The following CHIA variants were observed in gnomAD, a reference collection of about 807,000 sequenced individuals.
CHIA encodes chitinase acidic.
In CHIA, 47 loss-of-function variants were observed where a neutral mutation model predicts 53.5. The observed-to-expected ratio is 0.88, with a 90% confidence interval of 0.70 to 1.12. The LOEUF is 1.12. CHIA is among the 50% of genes most tolerant of loss of function. CHIA has a pLI of 0.00. For missense variants in CHIA, 652 were observed against 592.2 expected (o/e 1.10, Z -1.05); for synonymous variants, 268 against 222.2 (o/e 1.21, Z -1.83).
At chr1:111,314,351 C>A (rs1162988017) in intron 4 of CHIA, among the ~76,000 whole-genome samples, 189 bp from the exon 5 acceptor site, 1 of 152,150 alleles carries the variant, frequency 6.6e-6, no homozygotes, top group East Asian at 1.9e-4. Flanking sequence ...CCCTAGGGAA[C>A]CCTGAGTGCA....
chr1:111,312,376 A>G lies in CHIA; in HGVS notation c.242A>G (p.Asn81Ser). The G allele has an allele frequency of 6.2e-7, 1 of 1,613,906 alleles. No homozygotes were observed. Among genetic ancestry groups the G allele is most frequent in the Non-Finnish European group, 8.5e-7 (1 of 1,179,762 alleles). ...GATGTGACTCTCTACCAAGCTTTCA[A>G]TGGCCTGAAAAATAAGTAGGATGAG... Reference protein sequence around the residue: ...WNDVTLYQAFNGLKNKNSQLK... With the variant: ...WNDVTLYQAFSGLKNKNSQLK... The change falls in exon 4 of 12, where the codon AAT (asparagine) becomes AGT (serine). Residue 81 changes from asparagine to serine, a missense_variant. Transcript: ENST00000369740.
Position 111,319,230 on chromosome 1 carries a change from C to T in CHIA, c.1026C>T (p.Phe342=), listed in dbSNP as rs200092579. 66 of 1,614,152 alleles carry T rather than the reference C, an allele frequency of 4.1e-5. No homozygotes were observed. In the South Asian group the frequency reaches 5.4e-4, roughly 13 times the overall value. The stretch of plus-strand genomic sequence containing the variant: ...TTGGCTATGACAACATCAAGAGCTT[C>T]GATATTAAGGTAAGATCAGTCCCTT... ...VWVGYDNIKS[F]DIKAQWLKHN... is the part of the protein sequence containing the mutation. Residue 342 remains phenylalanine, a synonymous_variant, in exon 10 of 12, where the codon TTC becomes TTT. Transcript: ENST00000369740.
At chr1:111,299,168 A>G (rs994476832) in intron 1 of CHIA, among the ~76,000 whole-genome samples, 1 of 152,214 alleles carries the variant, frequency 6.6e-6, no homozygotes, top group Admixed American at 6.5e-5. Flanking sequence ...TACAAAGAGT[A>G]GCTGGTACCA....
chr1:111,320,199 G>T lies in CHIA; in HGVS notation c.1178-14G>T, dbSNP rs915196627. 29 of 1,610,896 alleles carry T rather than the reference G, an allele frequency of 1.8e-5. No homozygotes were observed. The highest frequency in any genetic ancestry group is 2.4e-5 in the Non-Finnish European group (28 of 1,178,268). ...CCAAGCCCACTAGTCTGCTCTTACT[G>T]CTGTATGTTTCAGGTTGCACGGCTC... is the stretch of plus-strand genomic sequence containing the variant. On this transcript the variant is annotated splice_polypyrimidine_tract_variant and intron_variant, in intron 11 of 11. Coordinates refer to ENST00000369740, the MANE Select transcript of CHIA (RefSeq NM_201653.4).
In CHIA at chr1:111,318,522, T is replaced by C. The variant is rs746282994; in HGVS notation, c.759T>C (p.Asn253=). ...VDYVMNYWKD[N]GAPAEKLIVG... is the part of the protein sequence containing the mutation. ...ATGTCATGAACTACTGGAAGGACAA[T>C]GGAGCACCAGCTGAGAAGCTCATCG... is the stretch of plus-strand genomic sequence containing the variant. Residue 253 remains asparagine, a synonymous_variant, in exon 9 of 12, where the codon AAT becomes AAC. Coordinates refer to ENST00000369740, the MANE Select transcript of CHIA (RefSeq NM_201653.4). 6.2e-7 allele frequency: 1 copy of C among 1,614,108 alleles called. No individual in the cohort carries two copies. The highest frequency in any genetic ancestry group is 8.5e-7 in the Non-Finnish European group (1 of 1,179,972).
chr1:111,290,943 A>G lies in CHIA; in HGVS notation c.-76A>G, dbSNP rs1170882215. The G allele has an allele frequency of 4.3e-6, 2 of 464,890 alleles. No homozygotes were observed. The highest frequency in any genetic ancestry group is 7.1e-5 in the East Asian group (1 of 14,154). The allele number at this position is 464,890 out of a possible 1,614,324, so 28.8% of individuals were successfully genotyped here. A position where few individuals can be genotyped will look rare whatever the true frequency, so the allele number is the denominator to read the frequency against. On this transcript the variant is annotated 5_prime_UTR_variant, in exon 1 of 12. Coordinates refer to ENST00000369740, the MANE Select transcript of CHIA (RefSeq NM_201653.4). The stretch of plus-strand genomic sequence containing the variant: ...TTTCCAGTCTGGTGGTGAATCCTCC[A>G]TAGTCTGGTGAGTGTAAATATATAT...
chr1:111,297,873 G>A (rs1045622051), intron 1 of CHIA, among the ~76,000 whole-genome samples: 1 of 106,590 alleles, frequency 9.4e-6, no homozygotes, highest in African/African-American at 3.9e-5. Context: ...TAAAGAGATG[G>A]AGGAAGATCT....
intron 1 of CHIA, among the ~76,000 whole-genome samples, chr1:111,291,901 T>C (rs1437544380): frequency 5.3e-5 from 8 of 150,808 alleles, no homozygotes; most frequent in African/African-American, 2.0e-4. Context: ...ACCTAGGTGA[T>C]GGGTTGATAG....
chr1:111,306,645 AAG>A (rs1648207361), intron 1 of CHIA, among the ~76,000 whole-genome samples: 1 of 152,190 alleles, frequency 6.6e-6, no homozygotes, highest in African/African-American at 2.4e-5. Context: ...AGGCACCATA[AAG>A]AGAGTGAAAA....
In CHIA at chr1:111,315,519, CA is replaced by C. The variant is rs1454213147; in HGVS notation, c.480+88del. 2.0e-5 allele frequency: 28 copies of C among 1,396,628 alleles called. No individual in the cohort carries two copies. In the Admixed American group the frequency reaches 7.1e-4, roughly 35 times the overall value. The allele number at this position is 1,396,628 out of a possible 1,614,324, so 86.5% of individuals were successfully genotyped here. On this transcript the variant is annotated intron_variant, in intron 6 of 11. Transcript: ENST00000369740. ...AGAATTGGGTGGCTCTAGGGTAAAA[CA>C]AAACTTGAATTTAAACTGATAGAAT...
intron 1 of CHIA, among the ~76,000 whole-genome samples, chr1:111,299,675 G>T (rs1327241447): frequency 6.6e-6 from 1 of 152,136 alleles, no homozygotes; most frequent in East Asian, 1.9e-4. Context: ...TTGAAAACTG[G>T]CATAAGACAG....
intron 1 of CHIA, among the ~76,000 whole-genome samples, chr1:111,292,931 C>A (rs535291708): frequency 6.6e-6 from 1 of 152,270 alleles, no homozygotes; most frequent in East Asian, 1.9e-4. Flanking sequence ...CTTTTAAAGG[C>A]TGAATAATAC....
chr1:111,298,445 C>G (rs529475125), intron 1 of CHIA, among the ~76,000 whole-genome samples: 1 of 152,218 alleles, frequency 6.6e-6, no homozygotes, highest in Non-Finnish European at 1.5e-5. Flanking sequence ...GAAACTCACT[C>G]AAAACCGCAC....
In CHIA at chr1:111,317,973, C is replaced by T. The variant is rs576234686; in HGVS notation, c.606-13C>T. ...ACCATCAGAATGATTTTAAATCCTC[C>T]ACCCCACCTCAGGTACCTGGACTAC... On this transcript the variant is annotated splice_polypyrimidine_tract_variant and intron_variant, in intron 7 of 11. Transcript: ENST00000369740. 2.1e-5 allele frequency: 34 copies of T among 1,614,004 alleles called. No homozygotes were observed. Among genetic ancestry groups the T allele is most frequent in the East Asian group, 1.8e-4 (8 of 44,882 alleles).
At chr1:111,317,213 T>C (rs982818570) in intron 6 of CHIA, 2 of 168,722 alleles carry the variant, frequency 1.2e-5, no homozygotes, top group African/African-American at 2.4e-5. Context: ...GATTAATCTC[T>C]AGTATTGAAT....
At chr1:111,299,229 CT>C (rs1347645798) in intron 1 of CHIA, among the ~76,000 whole-genome samples, 3 of 152,210 alleles carry the variant, frequency 2.0e-5, no homozygotes, top group Admixed American at 6.5e-5. Context: ...TCCTCCCTAA[CT>C]CATTTTATGG....
chr1:111,297,306 T>C (rs576576402), intron 1 of CHIA, among the ~76,000 whole-genome samples: 21 of 152,030 alleles, frequency 1.4e-4, no homozygotes, highest in Middle Eastern at 3.4e-3. Flanking sequence ...AAGGAAAAAA[T>C]GTTAAGGGCA....
chr1:111,294,481 A>G (rs1036179752), intron 1 of CHIA, among the ~76,000 whole-genome samples: 2 of 152,134 alleles, frequency 1.3e-5, no homozygotes, highest in African/African-American at 4.8e-5. Context: ...GGTTTTTCCT[A>G]TATAAGACCA....
chr1:111,304,040 A>C (rs1647981026), intron 1 of CHIA, among the ~76,000 whole-genome samples: 1 of 152,118 alleles, frequency 6.6e-6, no homozygotes, highest in African/African-American at 2.4e-5. Flanking sequence ...TTTTTCTTTT[A>C]GAACTTTGAA....
Sources: allele counts gnomAD v4.1 joint callset (sites outside exome capture counted in the v4.1 genomes callset), GRCh38; gene constraint gnomAD v4.1.1; transcripts MANE v1.5; gene names NCBI Gene and HGNC (gene_info 2026-07-23, HGNC 2026-07-21).